The following FAM135B variants were observed in gnomAD, a reference collection of about 807,000 sequenced individuals.
FAM135B encodes protein FAM135B.
In FAM135B, 43 loss-of-function variants were observed where a neutral mutation model predicts 127.7. The ratio of observed to expected loss-of-function variants is 0.34; its 90% CI spans 0.26 to 0.43. FAM135B has a LOEUF of 0.43. Among genes scored for constraint, FAM135B ranks in the 20% least tolerant of loss-of-function variants. FAM135B has a pLI of 1.00. For synonymous variants in FAM135B, 670 were observed against 665.1 expected (o/e 1.01, Z -0.11); for missense variants, 1,558 against 1,725.6 (o/e 0.90, Z 1.72).
Position 138,141,002 on chromosome 8 carries a change from G to A in FAM135B, c.3790+196C>T, listed in dbSNP as rs566126601. 2.0e-5 allele frequency among the ~76,000 whole-genome samples: 3 copies of A among 152,174 alleles called. No individual in the cohort carries two copies. Among genetic ancestry groups the A allele is most frequent in the South Asian group, 2.1e-4 (1 of 4,804 alleles). ...AAATTTGAAGGCAGAAATGATCCTGGAAAACATCTAGTGTCACCTCACTCA... is the reference window on the plus strand; with the variant it reads ...AAATTTGAAGGCAGAAATGATCCTGAAAAACATCTAGTGTCACCTCACTCA... On this transcript the variant is annotated intron_variant, in intron 17 of 19. Coordinates refer to ENST00000395297, the MANE Select transcript of FAM135B (RefSeq NM_015912.4). The surrounding 1 kb of genome is among the most constrained non-coding windows in gnomAD (Gnocchi z 4.7).
intron 12 of FAM135B, among the ~76,000 whole-genome samples, chr8:138,154,499 C>T (rs73414786): frequency 0.12 from 18,063 of 152,050 alleles, 1,237 homozygotes; most frequent in East Asian, 0.23. Flanking sequence ...CTTCTCCAGG[C>T]CAAAGGAGGA....
At position 138,243,572 on chromosome 8, in the gene FAM135B, G is replaced by A. The variant is rs996745348; in HGVS notation, c.543-504C>T. Among the ~76,000 whole-genome samples the A allele has an allele frequency of 2.6e-5, 4 of 152,184 alleles. No homozygotes were observed. The highest frequency in any genetic ancestry group is 1.3e-4 in the Admixed American group (2 of 15,284). On this transcript the variant is annotated intron_variant, in intron 6 of 19. Transcript: ENST00000395297. This position sits in a 1 kb window ranked among gnomAD's most constrained non-coding sequence, Gnocchi z 7.5. The stretch of plus-strand genomic sequence containing the variant: ...GTCAAAGACTGTCATAAGCCAGAAA[G>A]CACTCGCTGTGTCAACGCTAATTGG...
Position 138,305,910 on chromosome 8 carries a change from C to CACACATGCATGTATATGTAT in FAM135B, c.157+4911_157+4930dup, listed in dbSNP as rs1363200475. Among the ~76,000 whole-genome samples, 3 of 152,008 alleles carry CACACATGCATGTATATGTAT rather than the reference C, an allele frequency of 2.0e-5. No homozygotes were observed. The East Asian group carries it at 5.8e-4, about 29-fold the overall frequency. On this transcript the variant is annotated intron_variant, in intron 3 of 19. Coordinates refer to ENST00000395297, the MANE Select transcript of FAM135B (RefSeq NM_015912.4). ...TAGGAAGACCACTTGAAATTATATACACACATGCATGTATATGTATACATA... is the reference window on the plus strand; with the variant it reads ...TAGGAAGACCACTTGAAATTATATACACACATGCATGTATATGTATACACATGCATGTATATGTATACATA...
At chr8:138,433,971 C>G (rs4909796) in intron 1 of FAM135B, among the ~76,000 whole-genome samples, 69,738 of 151,998 alleles carry the variant, frequency 0.46, 16,912 homozygotes, top group Admixed American at 0.63. Flanking sequence ...ATCCACCTTA[C>G]GGAGATGGGT....
intron 1 of FAM135B, among the ~76,000 whole-genome samples, chr8:138,485,379 C>T (rs898285494): frequency 2.6e-5 from 4 of 152,132 alleles, no homozygotes; most frequent in Non-Finnish European, 5.9e-5. Flanking sequence ...GGAAGAGTCG[C>T]ATCGAGGTTC....
chr8:138,422,626 T>A (rs1834577785), intron 1 of FAM135B, among the ~76,000 whole-genome samples: 1 of 152,034 alleles, frequency 6.6e-6, no homozygotes, highest in Admixed American at 6.6e-5. Context: ...GAAAAAGGAA[T>A]GTTTATACAC....
At chr8:138,155,423 A>G (rs914887661) in intron 12 of FAM135B, among the ~76,000 whole-genome samples, 4 of 152,212 alleles carry the variant, frequency 2.6e-5, no homozygotes, top group Non-Finnish European at 5.9e-5. Context: ...TCATAATGAC[A>G]GGATCAAATT....
intron 2 of FAM135B, among the ~76,000 whole-genome samples, chr8:138,311,820 A>G (rs1465287654): frequency 2.0e-5 from 3 of 152,174 alleles, no homozygotes; most frequent in African/African-American, 4.8e-5. Context: ...TGTATAAATG[A>G]TGAACAAAAA....
At chr8:138,218,208 C>A (rs1028436511) in intron 7 of FAM135B, among the ~76,000 whole-genome samples, 1 of 152,016 alleles carries the variant, frequency 6.6e-6, no homozygotes, top group African/African-American at 2.4e-5. Flanking sequence ...TGCATATGAG[C>A]AAAGATAGAA....
chr8:138,389,965 T>C (rs776601433), intron 1 of FAM135B, among the ~76,000 whole-genome samples: 8 of 152,228 alleles, frequency 5.3e-5, no homozygotes, highest in Non-Finnish European at 1.2e-4. Flanking sequence ...ATTGTACTTA[T>C]CTGCTTTGCA....
chr8:138,409,818 T>A (rs1833751171), intron 1 of FAM135B, among the ~76,000 whole-genome samples: 1 of 139,464 alleles, frequency 7.2e-6, no homozygotes. Flanking sequence ...GAGCTTGCAG[T>A]GAACCGAGAT....
At chr8:138,153,628 C>T (rs1818400580) in intron 12 of FAM135B, among the ~76,000 whole-genome samples, 1 of 152,180 alleles carries the variant, frequency 6.6e-6, no homozygotes, top group South Asian at 2.1e-4. Flanking sequence ...AACGGCACAC[C>T]AGGAGATTAT....
intron 1 of FAM135B, among the ~76,000 whole-genome samples, chr8:138,384,554 A>G (rs1832066326): frequency 6.6e-6 from 1 of 152,008 alleles, no homozygotes; most frequent in Admixed American, 6.6e-5. Context: ...TGATGGGGCA[A>G]GACTATCTGC....
chr8:138,267,941 TTCTC>T (rs1823068582), intron 3 of FAM135B, among the ~76,000 whole-genome samples: 1 of 152,226 alleles, frequency 6.6e-6, no homozygotes, highest in Non-Finnish European at 1.5e-5. Flanking sequence ...CACTAGCTCT[TTCTC>T]TATCACTGTC....
At chr8:138,411,554 A>G (rs536812009) in intron 1 of FAM135B, among the ~76,000 whole-genome samples, 1 of 152,328 alleles carries the variant, frequency 6.6e-6, no homozygotes, top group Admixed American at 6.5e-5. Context: ...CCTAGGCATT[A>G]CCATTCAGGA....
chr8:138,254,334 C>T (rs1300815603), intron 5 of FAM135B, among the ~76,000 whole-genome samples: 3 of 152,218 alleles, frequency 2.0e-5, no homozygotes, highest in Non-Finnish European at 4.4e-5. Flanking sequence ...ACTGTATACA[C>T]TGTGACTTAT....
intron 9 of FAM135B, among the ~76,000 whole-genome samples, chr8:138,184,158 G>A (rs895036257): frequency 1.3e-5 from 2 of 152,198 alleles, no homozygotes; most frequent in African/African-American, 4.8e-5. Flanking sequence ...AAAACAAGGT[G>A]AGATGGGATA....
At chr8:138,139,218 G>A (rs1011834889) in intron 17 of FAM135B, 122 bp from the exon 18 acceptor site, 2 of 615,012 alleles carry the variant, frequency 3.3e-6, no homozygotes, top group South Asian at 3.8e-5. Flanking sequence ...TAAGAGAGAA[G>A]TAGGCATACT....
Position 138,178,797 on chromosome 8 carries a change from T to C in FAM135B, c.874-107A>G, listed in dbSNP as rs1003927442. 8.2e-6 allele frequency: 7 copies of C among 857,252 alleles called. No homozygotes were observed. In the African/African-American group the frequency reaches 1.2e-4, roughly 15 times the overall value. 53.1% of individuals were successfully genotyped at this position (857,252 alleles called of 1,614,324 possible). A position where few individuals can be genotyped will look rare whatever the true frequency, so the allele number is the denominator to read the frequency against. ...CTTTTCTGTTTTCAATAAAGCACTC[T>C]CCTTTCTCTGTACATCTGTAGTATT... On this transcript the variant is annotated intron_variant, in intron 9 of 19. Coordinates refer to ENST00000395297, the MANE Select transcript of FAM135B (RefSeq NM_015912.4).
Sources: allele counts gnomAD v4.1 joint callset (sites outside exome capture counted in the v4.1 genomes callset), GRCh38; gene constraint gnomAD v4.1.1; non-coding constraint Gnocchi (gnomAD v3.1); transcripts MANE v1.5; gene names NCBI Gene and HGNC (gene_info 2026-07-23, HGNC 2026-07-21).